Variants in LRRC7 observed in about 807,000 individuals in gnomAD.
LRRC7 encodes leucine-rich repeat-containing protein 7.
A neutral mutation model predicts 175.7 loss-of-function variants in LRRC7; 23 were observed. The ratio of observed to expected loss-of-function variants is 0.13; its 90% CI spans 0.09 to 0.19. The LOEUF (loss-of-function observed/expected upper bound fraction) is 0.19. Ranked by LOEUF, LRRC7 falls within the 10% of genes least tolerant of loss-of-function variation. The pLI, the probability that LRRC7 is intolerant of heterozygous loss-of-function variation, is 1.00. For missense variants in LRRC7, 1,354 were observed against 1,904.7 expected (o/e 0.71, Z 5.38); for synonymous variants, 685 against 680.9 (o/e 1.01, Z -0.09).
intron 11 of LRRC7, among the ~76,000 whole-genome samples, chr1:69,996,587 G>T (rs1301443431): frequency 2.0e-5 from 3 of 151,872 alleles, no homozygotes; most frequent in African/African-American, 7.2e-5. Context: ...AAGGTGTAAG[G>T]AAGGGATCCA....
chr1:69,951,507 A>G (rs1576118), intron 8 of LRRC7, among the ~76,000 whole-genome samples: 25,891 of 151,884 alleles, frequency 0.17, 3,741 homozygotes, highest in African/African-American at 0.4. Flanking sequence ...ATTGCAGCGC[A>G]GTTCACAATA....
chr1:69,583,094 T>G (rs1382099400), intron 1 of LRRC7, among the ~76,000 whole-genome samples: 1 of 152,058 alleles, frequency 6.6e-6, no homozygotes, highest in East Asian at 1.9e-4. Context: ...TTTATTTTTT[T>G]ATAATATCTG....
In LRRC7 at chr1:70,136,908, A is replaced by G. The variant is rs1666898401; in HGVS notation, c.*15021A>G. ...TCCTGGCTAATTTTTTATTTTTTGC[A>G]GAGACAGAGTCTTGCTATGTTGCCC... On this transcript the variant is annotated 3_prime_UTR_variant, in exon 27 of 27. Coordinates refer to ENST00000651989, the MANE Select transcript of LRRC7 (RefSeq NM_001370785.2). Among the ~76,000 whole-genome samples, 1 of 151,304 alleles carries G rather than the reference A, an allele frequency of 6.6e-6. No homozygotes were observed. Among genetic ancestry groups the G allele is most frequent in the African/African-American group, 2.4e-5 (1 of 41,182 alleles).
chr1:70,055,375 T>C (rs1444103395), intron 23 of LRRC7, among the ~76,000 whole-genome samples: 2 of 152,128 alleles, frequency 1.3e-5, no homozygotes, highest in African/African-American at 2.4e-5. Flanking sequence ...TCTGACAGCT[T>C]TTCAGAGAAT....
intron 3 of LRRC7, among the ~76,000 whole-genome samples, chr1:69,784,571 G>T (rs1055685766): frequency 6.6e-6 from 1 of 151,960 alleles, no homozygotes; most frequent in African/African-American, 2.4e-5. Flanking sequence ...GTTGTGAAGG[G>T]CTCCTTTCTT....
intron 13 of LRRC7, among the ~76,000 whole-genome samples, chr1:70,014,496 A>C (rs1430874839): frequency 2.0e-5 from 3 of 152,006 alleles, no homozygotes; most frequent in Admixed American, 1.3e-4. Flanking sequence ...ATATAAGCTT[A>C]AGTTATGTCC....
chr1:69,948,619 A>T lies in LRRC7; in HGVS notation c.711+17049A>T, dbSNP rs144442594. Among the ~76,000 whole-genome samples the T allele has an allele frequency of 8.5e-4, 130 of 152,136 alleles. No homozygotes were observed. In the Middle Eastern group the frequency reaches 0.01, roughly 12 times the overall value. ...GCAGTAGGGGGCCCTTCTTTATATG[A>T]CCAATTCCCAATTTATAGCTTCCTC... On this transcript the variant is annotated intron_variant, in intron 8 of 26. Coordinates refer to ENST00000651989, the MANE Select transcript of LRRC7 (RefSeq NM_001370785.2).
In LRRC7 at chr1:69,785,873, G is replaced by A. The variant is rs117848160; in HGVS notation, c.304-6170G>A. On this transcript the variant is annotated intron_variant, in intron 3 of 26. Coordinates refer to ENST00000651989, the MANE Select transcript of LRRC7 (RefSeq NM_001370785.2). ...CTACCTCACTCATTTTATTTTCTACGGTTTCCCAAAATTCCAAAAAGACCT... is the reference window on the plus strand; with the variant it reads ...CTACCTCACTCATTTTATTTTCTACAGTTTCCCAAAATTCCAAAAAGACCT... Among the ~76,000 whole-genome samples, 55 of 151,954 alleles carry A rather than the reference G, an allele frequency of 3.6e-4. No homozygotes were observed. In the East Asian group the frequency reaches 8.3e-3, roughly 23 times the overall value.
At chr1:69,975,362 G>T (rs1652706023) in intron 8 of LRRC7, among the ~76,000 whole-genome samples, 1 of 152,072 alleles carries the variant, frequency 6.6e-6, no homozygotes, top group South Asian at 2.1e-4. Flanking sequence ...TTTGAATTTT[G>T]CCATTATCCA....
rs1666711289 is a variant in LRRC7 at position 70,132,505 on chromosome 1, A to G, written c.*10618A>G. 8.5e-6 allele frequency among the ~76,000 whole-genome samples: 1 copy of G among 118,216 alleles called. No individual in the cohort carries two copies. The highest frequency in any genetic ancestry group is 1.6e-5 in the Non-Finnish European group (1 of 63,106). 77.6% of individuals were successfully genotyped at this position (118,216 alleles called of 152,430 possible). ...TTTTGAGACGGAGTCTCACTCTGTC[A>G]TCAGGCTGGAGGCTGGAGTGCAGTG... On this transcript the variant is annotated 3_prime_UTR_variant, in exon 27 of 27. Coordinates refer to ENST00000651989, the MANE Select transcript of LRRC7 (RefSeq NM_001370785.2).
chr1:69,781,679 CAAAA>C (rs201837300), intron 3 of LRRC7, among the ~76,000 whole-genome samples: 1 of 72,092 alleles, frequency 1.4e-5, no homozygotes, highest in East Asian at 3.0e-4. Context: ...AAGACTGTCT[CAAAA>C]AAAAGAAGAA....
rs1028263100 is a variant in LRRC7 at position 70,136,582 on chromosome 1, G to T, written c.*14695G>T. On this transcript the variant is annotated 3_prime_UTR_variant, in exon 27 of 27. Coordinates refer to ENST00000651989, the MANE Select transcript of LRRC7 (RefSeq NM_001370785.2). The stretch of plus-strand genomic sequence containing the variant: ...CCTACCCCTCAAGAAACACAGTCTA[G>T]TGGGGAGACACACAAAAAGTCTAAT... 6.6e-6 allele frequency among the ~76,000 whole-genome samples: 1 copy of T among 152,056 alleles called. No individual in the cohort carries two copies. Among genetic ancestry groups the T allele is most frequent in the Non-Finnish European group, 1.5e-5 (1 of 68,020 alleles).
intron 9 of LRRC7, among the ~76,000 whole-genome samples, chr1:69,985,907 AT>A (rs1465021915): frequency 6.6e-6 from 1 of 152,120 alleles, no homozygotes; most frequent in Non-Finnish European, 1.5e-5. Flanking sequence ...GTTGTCACCA[AT>A]TTTTGACATT....
intron 1 of LRRC7, chr1:69,607,229 A>C (rs893876069): frequency 6.6e-6 from 1 of 152,044 alleles, no homozygotes; most frequent in Non-Finnish European, 1.5e-5. Flanking sequence ...CAAGATTTTG[A>C]GTGTACTTGT....
At chr1:69,843,028 G>A (rs7536408) in intron 7 of LRRC7, among the ~76,000 whole-genome samples, 72,427 of 151,564 alleles carry the variant, frequency 0.48, 17,653 homozygotes, top group Middle Eastern at 0.59. Context: ...GTGAAATCCC[G>A]TCTCTACTGA....
chr1:70,089,838 G>T lies in LRRC7; in HGVS notation c.4545+19G>T. On this transcript the variant is annotated intron_variant, in intron 25 of 26. Transcript: ENST00000651989. ...TGACAAGGTAAGAAATGAATATCTT[G>T]TTGACAATATTAATTAGAAAAATAC... is the stretch of plus-strand genomic sequence containing the variant. 1.3e-6 allele frequency: 2 copies of T among 1,502,356 alleles called. No individual in the cohort carries two copies. Among genetic ancestry groups the T allele is most frequent in the Non-Finnish European group, 1.8e-6 (2 of 1,085,642 alleles). The allele number at this position is 1,502,356 out of a possible 1,614,324, so 93.1% of individuals were successfully genotyped here.
chr1:69,724,532 T>C (rs1327379730), intron 2 of LRRC7, among the ~76,000 whole-genome samples: 1 of 152,206 alleles, frequency 6.6e-6, no homozygotes, highest in Non-Finnish European at 1.5e-5. Context: ...ATTGGACAAA[T>C]TTATTTTTGA....
intron 11 of LRRC7, among the ~76,000 whole-genome samples, chr1:69,998,471 A>T (rs967743101): frequency 6.6e-6 from 1 of 152,154 alleles, no homozygotes; most frequent in Non-Finnish European, 1.5e-5. Flanking sequence ...CTGTACAGTT[A>T]CTTGCATTTT....
intron 11 of LRRC7, among the ~76,000 whole-genome samples, chr1:70,008,277 A>T (rs1424348552): frequency 6.6e-6 from 1 of 152,186 alleles, no homozygotes. Flanking sequence ...CCACCAGATT[A>T]AGGGTGGATC....
Sources: gnomAD v4.1 joint callset for allele counts (sites outside exome capture counted in the v4.1 genomes callset) on GRCh38, gnomAD v4.1.1 for gene constraint, MANE v1.5 for transcripts, NCBI Gene and HGNC (gene_info 2026-07-23, HGNC 2026-07-21) for gene names.